The following UBE2B variants were observed in gnomAD, a reference collection of about 807,000 sequenced individuals.
The protein encoded by UBE2B is ubiquitin-conjugating enzyme E2 B.
UBE2B carries 11 observed loss-of-function variants against 24.6 expected under a neutral mutation model. That is an observed-to-expected ratio of 0.45 (90% CI 0.28 to 0.74). The LOEUF is 0.74. Ranked by LOEUF, UBE2B falls within the 30% of genes least tolerant of loss-of-function variation. The pLI is 0.13. For synonymous variants in UBE2B, 68 were observed against 62.4 expected (o/e 1.09, Z -0.42); for missense variants, 78 against 185.6 (o/e 0.42, Z 3.37).
intron 4 of UBE2B, chr5:134,388,025 A>T (rs1340572570): frequency 9.0e-5 from 33 of 364,658 alleles, no homozygotes; most frequent in Non-Finnish European, 1.0e-5. Flanking sequence ...CTGGTCTCAG[A>T]CTCCTGACCT....
At chr5:134,375,206 A>G (rs1474365232) in intron 2 of UBE2B, among the ~76,000 whole-genome samples, 1 of 152,250 alleles carries the variant, frequency 6.6e-6, no homozygotes, top group African/African-American at 2.4e-5. Flanking sequence ...TTAAGCGAAA[A>G]TGATTCACAG....
At chr5:134,379,798 G>C (rs1758677448) in intron 3 of UBE2B, among the ~76,000 whole-genome samples, 1 of 152,152 alleles carries the variant, frequency 6.6e-6, no homozygotes, top group Admixed American at 6.5e-5. Context: ...GCTATCTTCT[G>C]TTAAGCCAGT....
At chr5:134,377,654 C>T (rs796307522) in intron 3 of UBE2B, among the ~76,000 whole-genome samples, 2 of 152,114 alleles carry the variant, frequency 1.3e-5, no homozygotes, top group African/African-American at 4.8e-5. Flanking sequence ...AAGGACGTTA[C>T]CTTTTTTCTC....
At chr5:134,378,781 A>C (rs1758652192) in intron 3 of UBE2B, among the ~76,000 whole-genome samples, 1 of 151,964 alleles carries the variant, frequency 6.6e-6, no homozygotes, top group Non-Finnish European at 1.5e-5. Context: ...GTAATGTAAT[A>C]AGCTCGGTGT....
At chr5:134,380,854 G>C in intron 4 of UBE2B, 46 bp downstream of exon 4, 3 of 1,247,916 alleles carry the variant, frequency 2.4e-6, no homozygotes, top group Non-Finnish European at 3.4e-6. Context: ...GGGGAAAAGA[G>C]TTGTTTCCCT....
chr5:134,376,690 A>G lies in UBE2B; in HGVS notation c.147A>G (p.Glu49=), dbSNP rs763302108. ...TCAGACCAGAAGGGACACCTTTTGAAGATGGTAAGTCATACTCATTATGTT... is the reference window on the plus strand; with the variant it reads ...TCAGACCAGAAGGGACACCTTTTGAGGATGGTAAGTCATACTCATTATGTT... The part of the protein sequence containing the change: ...VIFGPEGTPF[E]DGTFKLVIEF... Residue 49 remains glutamate, a synonymous_variant, in exon 3 of 6, where the codon GAA becomes GAG. Transcript: ENST00000265339. The G allele has an allele frequency of 6.2e-7, 1 of 1,611,658 alleles. No homozygotes were observed. The highest frequency in any genetic ancestry group is 8.5e-7 in the Non-Finnish European group (1 of 1,178,838).
At chr5:134,388,630 A>G (rs1758847279) in intron 5 of UBE2B, among the ~76,000 whole-genome samples, 1 of 152,212 alleles carries the variant, frequency 6.6e-6, no homozygotes, top group African/African-American at 2.4e-5. Context: ...ATTTGTGTCC[A>G]TGAAGCATAG....
chr5:134,383,089 C>G (rs36076618), intron 4 of UBE2B, among the ~76,000 whole-genome samples: 2 of 151,986 alleles, frequency 1.3e-5, no homozygotes, highest in Non-Finnish European at 2.9e-5. Context: ...TGCTTGAACC[C>G]GGGAGGCGGA....
chr5:134,375,660 G>A (rs866013928), intron 2 of UBE2B, among the ~76,000 whole-genome samples: 19 of 152,014 alleles, frequency 1.2e-4, no homozygotes, highest in African/African-American at 4.6e-4. Context: ...TTAGCCGGGC[G>A]AGGTGGCGGG....
intron 5 of UBE2B, among the ~76,000 whole-genome samples, chr5:134,388,641 C>G (rs188430700): frequency 6.6e-6 from 1 of 152,046 alleles, no homozygotes; most frequent in East Asian, 1.9e-4. Flanking sequence ...TGAAGCATAG[C>G]CAAGGGTTGT....
At chr5:134,378,684 CTT>C (rs35744774) in intron 3 of UBE2B, among the ~76,000 whole-genome samples, 85,711 of 151,858 alleles carry the variant, frequency 0.56, 26,340 homozygotes, top group Non-Finnish European at 0.71. Context: ...ATTTGAATGA[CTT>C]TTTTTCATGG....
chr5:134,388,069 G>T (rs1034954589), intron 4 of UBE2B: 2 of 477,576 alleles, frequency 4.2e-6, no homozygotes, highest in Non-Finnish European at 7.7e-6. Flanking sequence ...CTCCCAAAGT[G>T]TTCAGGACTG....
At chr5:134,377,272 G>C (rs1009371716) in intron 3 of UBE2B, among the ~76,000 whole-genome samples, 3 of 152,166 alleles carry the variant, frequency 2.0e-5, no homozygotes, top group Non-Finnish European at 4.4e-5. Context: ...CCCAATTGTA[G>C]TGTTGGATTT....
chr5:134,380,864 T>C, intron 4 of UBE2B, 56 bp downstream of exon 4: 2 of 1,181,182 alleles, frequency 1.7e-6, no homozygotes, highest in Non-Finnish European at 2.5e-6. Context: ...GTTGTTTCCC[T>C]CCTTTTAGCT....
rs201989843 is a variant in UBE2B, at chr5:134,371,601, G to T, written c.6G>T (p.Ser2=). The T allele has an allele frequency of 1.9e-6, 3 of 1,612,438 alleles. No homozygotes were observed. The highest frequency in any genetic ancestry group is 2.7e-5 in the African/African-American group (2 of 74,696). The change falls in exon 1 of 6, where the codon TCG becomes TCT. Residue 2 remains serine, a synonymous_variant. Coordinates refer to ENST00000265339, the MANE Select transcript of UBE2B (RefSeq NM_003337.4). The part of the protein sequence containing the change: M[S]TPARRRLMRD... ...CCGCGGGGCAGCTGCGGAGCATGTC[G>T]ACCCCGGCCCGGAGGAGGCTCATGC... is the stretch of plus-strand genomic sequence containing the variant.
In UBE2B at chr5:134,376,684, T is replaced by G. The variant is rs775558344; in HGVS notation, c.141T>G (p.Pro47=). ...NAVIFGPEGT[P]FEDGTFKLVI... ...TTGTTTTCAGACCAGAAGGGACACC[T>G]TTTGAAGATGGTAAGTCATACTCAT... The change falls in exon 3 of 6, where the codon CCT becomes CCG. Residue 47 remains proline (P), a synonymous_variant. Coordinates refer to ENST00000265339, the MANE Select transcript of UBE2B (RefSeq NM_003337.4). The G allele has an allele frequency of 6.2e-7, 1 of 1,611,234 alleles. No individual in the cohort carries two copies. Among genetic ancestry groups the G allele is most frequent in the South Asian group, 1.1e-5 (1 of 90,870 alleles).
Position 134,378,268 on chromosome 5 carries a change from GTTTGT to G in UBE2B, c.151+1578_151+1582del, listed in dbSNP as rs200592629. ...TTGAGTATCTATGTGGGTTTTTTTTGTTTGTTTTTTGTTTTTTGTCTCGCTCTCTC... is the reference window on the plus strand; with the variant it reads ...TTGAGTATCTATGTGGGTTTTTTTTGTTTTTGTTTTTTGTCTCGCTCTCTC... On this transcript the variant is annotated intron_variant, in intron 3 of 5. Coordinates refer to ENST00000265339, the MANE Select transcript of UBE2B (RefSeq NM_003337.4). Among the ~76,000 whole-genome samples the G allele has an allele frequency of 4.6e-3, 699 of 151,788 alleles. 6 individuals carry two copies. Among genetic ancestry groups the G allele is most frequent in the African/African-American group, 0.016 (672 of 41,412 alleles).
In UBE2B at chr5:134,390,215, T is replaced by C. The variant is rs1758879053; in HGVS notation, c.331-10T>C. On this transcript the variant is annotated splice_polypyrimidine_tract_variant and intron_variant, in intron 5 of 5. Coordinates refer to ENST00000265339, the MANE Select transcript of UBE2B (RefSeq NM_003337.4). This position sits in a 1 kb window ranked among gnomAD's most constrained non-coding sequence, Gnocchi z 4.6. ...TATGCAAATCTGTTTTTTCTTTTCT[T>C]TCCTCCTAGTCTCTGCTGGATGAAC... 4 of 1,613,884 alleles carry C rather than the reference T, an allele frequency of 2.5e-6. No homozygotes were observed. The highest frequency in any genetic ancestry group is 3.4e-6 in the Non-Finnish European group (4 of 1,179,986).
At chr5:134,374,638 A>T (rs1758568609) in intron 2 of UBE2B, 175 bp downstream of exon 2, 7 of 699,398 alleles carry the variant, frequency 1.0e-5, no homozygotes, top group Non-Finnish European at 1.7e-5. Flanking sequence ...CCAGCACAGT[A>T]GTAGCTCAAC....
Sources: gnomAD v4.1 joint callset for allele counts (sites outside exome capture counted in the v4.1 genomes callset) on GRCh38, gnomAD v4.1.1 for gene constraint, Gnocchi (gnomAD v3.1) non-coding constraint, MANE v1.5 for transcripts, NCBI Gene and HGNC (gene_info 2026-07-23, HGNC 2026-07-21) for gene names.